SORCS3: variants seen among roughly 807,000 people sequenced by gnomAD.
SORCS3 encodes VPS10 domain-containing receptor SorCS3.
In SORCS3, 57 loss-of-function variants were observed where a neutral mutation model predicts 146.3. That is an observed-to-expected ratio of 0.39 (90% CI 0.31 to 0.49). The LOEUF (loss-of-function observed/expected upper bound fraction) is 0.49, where lower values mean the gene tolerates loss of function less well. Ranked by LOEUF, SORCS3 falls within the 20% of genes least tolerant of loss-of-function variation. SORCS3 has a pLI of 0.92. For missense variants in SORCS3, 1,341 were observed against 1,575.5 expected, an observed-to-expected ratio of 0.85 and a Z score of 2.52; for synonymous variants, 653 against 618.5, an observed-to-expected ratio of 1.06 and a Z score of -0.83.
chr10:104,647,704 A>G (rs951108695), intron 1 of SORCS3, among the ~76,000 whole-genome samples: 1 of 152,214 alleles, frequency 6.6e-6, no homozygotes, highest in Non-Finnish European at 1.5e-5. Context: ...AAAGAAGATC[A>G]TTTTGCCCTA....
At chr10:104,712,933 G>GA (rs1487397954) in intron 1 of SORCS3, among the ~76,000 whole-genome samples, 1 of 152,188 alleles carries the variant, frequency 6.6e-6, no homozygotes, top group Non-Finnish European at 1.5e-5. Context: ...CCGTATGTTA[G>GA]AAAATGCTAT....
At chr10:104,923,514 A>G (rs993668742) in intron 3 of SORCS3, among the ~76,000 whole-genome samples, 2 of 152,184 alleles carry the variant, frequency 1.3e-5, no homozygotes, top group African/African-American at 4.8e-5. Context: ...TGCTGGCACA[A>G]TTAAGGGGTT....
intron 4 of SORCS3, among the ~76,000 whole-genome samples, chr10:105,011,167 T>A (rs1000486033): frequency 3.3e-5 from 5 of 152,206 alleles, no homozygotes; most frequent in Non-Finnish European, 7.3e-5. Context: ...CCTGTTACAA[T>A]ATTTTATCCC....
At chr10:104,833,782 T>C (rs1164811558) in intron 1 of SORCS3, among the ~76,000 whole-genome samples, 1 of 152,194 alleles carries the variant, frequency 6.6e-6, no homozygotes, top group African/African-American at 2.4e-5. Flanking sequence ...CCCAAATTGA[T>C]ATTTGTAGCC....
intron 1 of SORCS3, among the ~76,000 whole-genome samples, chr10:104,820,225 C>T (rs1250023295): frequency 6.6e-6 from 1 of 152,072 alleles, no homozygotes; most frequent in Non-Finnish European, 1.5e-5. Flanking sequence ...TGGGATTTTG[C>T]TTGGTTACCT....
intron 2 of SORCS3, among the ~76,000 whole-genome samples, chr10:104,906,039 G>T (rs1019183634): frequency 1.2e-4 from 18 of 152,164 alleles, no homozygotes; most frequent in South Asian, 2.1e-4. Context: ...CCTTCATTGG[G>T]CGGCTGCACA....
chr10:104,819,916 A>T (rs754977964), intron 1 of SORCS3, among the ~76,000 whole-genome samples: 4 of 152,222 alleles, frequency 2.6e-5, no homozygotes, highest in African/African-American at 9.6e-5. Context: ...TCATGCAGCT[A>T]TGAAATCAAA....
intron 4 of SORCS3, among the ~76,000 whole-genome samples, chr10:105,016,215 G>C (rs1357570633): frequency 2.1e-5 from 3 of 142,220 alleles, no homozygotes; most frequent in African/African-American, 8.1e-5. Flanking sequence ...GCAGTGGCGC[G>C]ATCTCGGCTC....
Position 105,164,312 on chromosome 10 carries a change from G to A in SORCS3, c.1742G>A (p.Gly581Asp), listed in dbSNP as rs1338755571. 1 of 1,613,234 alleles carries A rather than the reference G, an allele frequency of 6.2e-7. No individual in the cohort carries two copies. ...TCTGCTTATGTTTCAGGCAACATTG[G>A]CCCGGAGCTCTCATATACTGATATT... ...PGLVVATGNI[G>D]PELSYTDIGV... Residue 581 changes from glycine (G) to aspartate (D), a missense_variant, in exon 12 of 27, where the codon GGC becomes GAC. By Grantham distance (94) the Gly-to-Asp change is moderately conservative (BLOSUM62 -1). Coordinates refer to ENST00000369701, the MANE Select transcript of SORCS3 (RefSeq NM_014978.3).
At chr10:105,217,720 C>T (rs1173934554) in intron 19 of SORCS3, 2 of 438,956 alleles carry the variant, frequency 4.6e-6, no homozygotes, top group East Asian at 1.4e-4. Context: ...TTGGCTGTTG[C>T]TTGGCACAAA....
chr10:105,183,208 G>A (rs1050537853), intron 14 of SORCS3, among the ~76,000 whole-genome samples: 6 of 152,168 alleles, frequency 3.9e-5, no homozygotes, highest in Non-Finnish European at 4.4e-5. Context: ...GATACCTTTG[G>A]CTAGGGCCAA....
intron 3 of SORCS3, among the ~76,000 whole-genome samples, chr10:104,951,194 A>C (rs1336628631): frequency 2.0e-5 from 3 of 152,088 alleles, no homozygotes; most frequent in Non-Finnish European, 4.4e-5. Flanking sequence ...CCTTTAATGC[A>C]TGTTCTTTTG....
intron 1 of SORCS3, among the ~76,000 whole-genome samples, chr10:104,663,806 C>T (rs2015732759): frequency 6.6e-6 from 1 of 152,186 alleles, no homozygotes; most frequent in South Asian, 2.1e-4. Context: ...TTTTCCTTCA[C>T]ACTGGCAGCC....
At chr10:104,704,169 CT>C (rs10694540) in intron 1 of SORCS3, among the ~76,000 whole-genome samples, 27 of 137,708 alleles carry the variant, frequency 2.0e-4, no homozygotes, top group Middle Eastern at 3.9e-3. Flanking sequence ...CCTTCTATGA[CT>C]TTTTTTTTTT....
chr10:104,750,189 T>C (rs1264566405), intron 1 of SORCS3, among the ~76,000 whole-genome samples: 1 of 151,988 alleles, frequency 6.6e-6, no homozygotes, highest in East Asian at 1.9e-4. Flanking sequence ...ACTAAGATAA[T>C]GAAGAGGAGG....
At chr10:104,865,938 G>T (rs2018454706) in intron 2 of SORCS3, among the ~76,000 whole-genome samples, 1 of 152,186 alleles carries the variant, frequency 6.6e-6, no homozygotes, top group Non-Finnish European at 1.5e-5. Flanking sequence ...TGGGAAGGAG[G>T]CATGTAGGGG....
At chr10:104,906,841 T>C (rs529361943) in intron 2 of SORCS3, among the ~76,000 whole-genome samples, 1 of 152,358 alleles carries the variant, frequency 6.6e-6, no homozygotes, top group South Asian at 2.1e-4. Context: ...GATACACTTT[T>C]GTTTGAAAAC....
rs1176108504 is a variant in SORCS3, at chr10:105,223,267, T to C, written c.2868+18T>C. 20 of 1,599,396 alleles carry C rather than the reference T, an allele frequency of 1.3e-5. No homozygotes were observed. The highest frequency in any genetic ancestry group is 1.5e-5 in the Non-Finnish European group (18 of 1,170,700). ...GCACAAAGGTTTGGCCCTTTCTGAT[T>C]GATGTCAAATTAGATCTGTACTGAA... On this transcript the variant is annotated intron_variant, in intron 20 of 26. Coordinates refer to ENST00000369701, the MANE Select transcript of SORCS3 (RefSeq NM_014978.3).
chr10:105,018,040 C>A lies in SORCS3; in HGVS notation c.955-25015C>A, dbSNP rs184816044. 2.6e-5 allele frequency among the ~76,000 whole-genome samples: 4 copies of A among 152,164 alleles called. No homozygotes were observed. In the South Asian group the frequency reaches 6.2e-4, roughly 24 times the overall value. On this transcript the variant is annotated intron_variant, in intron 4 of 26. Transcript: ENST00000369701. ...AGTTGAAAATGACAGGATACCTCAA[C>A]TGAATTAGCCAAAGGTGAATTTATG...
Sources: allele counts gnomAD v4.1 joint callset (sites outside exome capture counted in the v4.1 genomes callset), GRCh38; gene constraint gnomAD v4.1.1; transcripts MANE v1.5; gene names NCBI Gene and HGNC (gene_info 2026-07-23, HGNC 2026-07-21).